Variants in STXBP5L observed in about 807,000 individuals in gnomAD.
The protein encoded by STXBP5L is syntaxin binding protein 5L.
Under a neutral mutation model 144.5 loss-of-function variants are expected in STXBP5L, and 65 were observed. The ratio of observed to expected loss-of-function variants is 0.45; its 90% CI spans 0.37 to 0.55. The LOEUF is 0.55. STXBP5L is among the 20% of genes least tolerant of loss of function. STXBP5L has a pLI of 0.00. For missense variants in STXBP5L, 1,298 were observed against 1,405.5 expected (o/e 0.92, Z 1.22); for synonymous variants, 505 against 469.6 (o/e 1.08, Z -0.97).
intron 2 of STXBP5L, among the ~76,000 whole-genome samples, chr3:120,948,327 G>A (rs1710985104): frequency 6.6e-6 from 1 of 151,448 alleles, no homozygotes; most frequent in Non-Finnish European, 1.5e-5. Flanking sequence ...TGAATTTTAA[G>A]GGTTCTTTAT....
At chr3:121,340,344 A>G (rs2044662801) in intron 20 of STXBP5L, among the ~76,000 whole-genome samples, 1 of 152,010 alleles carries the variant, frequency 6.6e-6, no homozygotes, top group Non-Finnish European at 1.5e-5. Context: ...CTTTTTTTAA[A>G]TTATACTTTA....
intron 7 of STXBP5L, among the ~76,000 whole-genome samples, chr3:121,149,906 C>T (rs1190174018): frequency 6.6e-6 from 1 of 151,968 alleles, no homozygotes; most frequent in East Asian, 1.9e-4. Context: ...ATGCTTATAT[C>T]ATTAAAACAT....
chr3:121,060,124 T>C (rs2041191085), intron 5 of STXBP5L, among the ~76,000 whole-genome samples: 1 of 152,314 alleles, frequency 6.6e-6, no homozygotes, highest in Non-Finnish European at 1.5e-5. Flanking sequence ...TAAATAGCTC[T>C]TATTATTTTG....
chr3:121,159,108 TC>T (rs2046222058), intron 9 of STXBP5L: 1 of 152,036 alleles, frequency 6.6e-6, no homozygotes, highest in Non-Finnish European at 1.5e-5. Flanking sequence ...TTTATTTTTT[TC>T]CCTTTTGTTT....
chr3:121,189,742 TTTTG>T (rs887068895), intron 9 of STXBP5L, among the ~76,000 whole-genome samples: 3 of 152,206 alleles, frequency 2.0e-5, no homozygotes, highest in Non-Finnish European at 2.9e-5. Flanking sequence ...AAATAGTTTT[TTTTG>T]TTTGTTTGTT....
intron 11 of STXBP5L, 64 bp from the exon 12 acceptor site, chr3:121,233,552 C>A (rs1169172061): frequency 8.1e-7 from 1 of 1,228,270 alleles, no homozygotes; most frequent in Admixed American, 2.3e-5. Context: ...AAAGGAAATG[C>A]AATTTTGCTG....
chr3:121,090,165 G>A (rs1046359805), intron 5 of STXBP5L, among the ~76,000 whole-genome samples: 3 of 152,054 alleles, frequency 2.0e-5, no homozygotes, highest in East Asian at 1.9e-4. Flanking sequence ...TTGTTATGAG[G>A]TTTCAGTTTT....
intron 3 of STXBP5L, among the ~76,000 whole-genome samples, chr3:120,977,257 A>G (rs1291919421): frequency 6.6e-6 from 1 of 152,204 alleles, no homozygotes; most frequent in Non-Finnish European, 1.5e-5. Context: ...TATTTAGGAT[A>G]GTTAGCTCTT....
intron 5 of STXBP5L, among the ~76,000 whole-genome samples, chr3:121,085,277 A>T (rs9833180): frequency 6.6e-6 from 1 of 151,876 alleles, no homozygotes; most frequent in Admixed American, 6.6e-5. Context: ...CGTTTTTGTC[A>T]TGAAATCTTT....
At chr3:120,955,787 C>T (rs1278135169) in intron 3 of STXBP5L, among the ~76,000 whole-genome samples, 1 of 151,954 alleles carries the variant, frequency 6.6e-6, no homozygotes, top group Non-Finnish European at 1.5e-5. Flanking sequence ...TATGGTCACA[C>T]CTTGTCCCTC....
chr3:121,278,961 A>G (rs1226781213), intron 18 of STXBP5L, among the ~76,000 whole-genome samples: 2 of 151,672 alleles, frequency 1.3e-5, no homozygotes, highest in Non-Finnish European at 3.0e-5. Flanking sequence ...GAACCATTTT[A>G]AGAGTAAGCA....
intron 14 of STXBP5L, among the ~76,000 whole-genome samples, chr3:121,243,593 C>T (rs568410143): frequency 6.6e-5 from 10 of 151,534 alleles, no homozygotes; most frequent in Non-Finnish European, 1.5e-4. Context: ...CCTACTTGCC[C>T]CGAGAATACT....
chr3:121,223,008 C>T lies in STXBP5L; in HGVS notation c.962C>T (p.Pro321Leu). The part of the protein sequence containing the change: ...VEYKTCKNSE[P>L]FIIFSGGLSY... ...TCATGTTTTTTCCTATGTAGCGAACCATTCATAATATTCTCTGGTGGGCTG... is the reference window on the plus strand; with the variant it reads ...TCATGTTTTTTCCTATGTAGCGAACTATTCATAATATTCTCTGGTGGGCTG... Residue 321 changes from proline (P) to leucine (L), a missense_variant, in exon 11 of 27, where the codon CCA becomes CTA. By Grantham distance (98) the Pro-to-Leu change is moderately conservative. Coordinates refer to ENST00000471454, the MANE Select transcript of STXBP5L (RefSeq NM_001308330.2). 6.3e-7 allele frequency: 1 copy of T among 1,597,426 alleles called. No individual in the cohort carries two copies. Among genetic ancestry groups the T allele is most frequent in the Non-Finnish European group, 8.5e-7 (1 of 1,174,980 alleles).
chr3:121,387,396 G>T (rs58466835), intron 22 of STXBP5L, among the ~76,000 whole-genome samples: 2,183 of 152,202 alleles, frequency 0.014, 54 homozygotes, highest in African/African-American at 0.05. Context: ...CGGACAGAAG[G>T]TCTTTAGTTT....
At chr3:121,213,565 C>G (rs184189597) in intron 10 of STXBP5L, among the ~76,000 whole-genome samples, 142 of 152,286 alleles carry the variant, frequency 9.3e-4, no homozygotes, top group Non-Finnish European at 1.9e-3. Context: ...ATGAAGCCAA[C>G]TTGATCGTGG....
At position 121,422,308 on chromosome 3, in the gene STXBP5L, T is replaced by A. The variant is rs1486102207; in HGVS notation, c.*3211T>A. The A allele has an allele frequency of 6.6e-6, 1 of 152,182 alleles. No individual in the cohort carries two copies. The highest frequency in any genetic ancestry group is 1.5e-5 in the Non-Finnish European group (1 of 68,016). 9.4% of individuals were successfully genotyped at this position (152,182 alleles called of 1,614,324 possible). ...GCCTTAGTTACCATCAAAATTACAT[T>A]CTATCTGCTAAAGCGACATCAGAAG... On this transcript the variant is annotated 3_prime_UTR_variant, in exon 27 of 27. Transcript: ENST00000471454.
At chr3:121,363,526 C>T (rs1414153302) in intron 20 of STXBP5L, among the ~76,000 whole-genome samples, 1 of 152,096 alleles carries the variant, frequency 6.6e-6, no homozygotes, top group African/African-American at 2.4e-5. Flanking sequence ...CCTTTCTGCT[C>T]TAACAGGACA....
chr3:121,184,001 G>A, intron 9 of STXBP5L, among the ~76,000 whole-genome samples: 1 of 151,882 alleles, frequency 6.6e-6, no homozygotes, highest in East Asian at 1.9e-4. Flanking sequence ...ACTACAAGCA[G>A]AAAGGAATAG....
At chr3:121,019,014 T>C (rs572969988) in intron 3 of STXBP5L, among the ~76,000 whole-genome samples, 1 of 152,250 alleles carries the variant, frequency 6.6e-6, no homozygotes, top group East Asian at 1.9e-4. Flanking sequence ...GGAAATAAAC[T>C]CTGTGCTGTT....
Sources: gnomAD v4.1 joint callset for allele counts (sites outside exome capture counted in the v4.1 genomes callset) on GRCh38, gnomAD v4.1.1 for gene constraint, MANE v1.5 for transcripts, NCBI Gene and HGNC (gene_info 2026-07-23, HGNC 2026-07-21) for gene names.